GHR: variants seen among roughly 807,000 people sequenced by gnomAD.
GHR encodes the protein growth hormone receptor.
In GHR, 35 loss-of-function variants were observed where a neutral mutation model predicts 67.1. That is an observed-to-expected ratio of 0.52 (90% CI 0.40 to 0.69). The LOEUF (loss-of-function observed/expected upper bound fraction) is 0.69. Ranked by LOEUF, GHR falls within the 30% of genes least tolerant of loss-of-function variation. The pLI is 0.00. For synonymous variants in GHR, 272 were observed against 269.1 expected, an observed-to-expected ratio of 1.01 and a Z score of -0.10; for missense variants, 792 against 764.6, an observed-to-expected ratio of 1.04 and a Z score of -0.42.
At chr5:42,655,548 T>C (rs1179250924) in intron 3 of GHR, among the ~76,000 whole-genome samples, 1 of 152,164 alleles carries the variant, frequency 6.6e-6, no homozygotes, top group Non-Finnish European at 1.5e-5. Context: ...CATAAGTCAC[T>C]AAAATTTGTA....
intron 2 of GHR, among the ~76,000 whole-genome samples, chr5:42,626,110 T>A (rs1753688833): frequency 1.3e-5 from 2 of 152,108 alleles, no homozygotes; most frequent in Admixed American, 1.3e-4. Flanking sequence ...TCGGTGGGAA[T>A]CTCTCCCCAC....
At chr5:42,482,305 C>A (rs2112158000) in intron 1 of GHR, among the ~76,000 whole-genome samples, 2 of 152,326 alleles carry the variant, frequency 1.3e-5, no homozygotes, top group Middle Eastern at 6.8e-3. Flanking sequence ...GGGGGTGCCT[C>A]CCAGTTAGGC....
chr5:42,618,168 A>G (rs1753262244), intron 2 of GHR, among the ~76,000 whole-genome samples: 1 of 152,162 alleles, frequency 6.6e-6, no homozygotes, highest in African/African-American at 2.4e-5. Context: ...AACTGTCACC[A>G]TATCCATCTA....
In GHR at chr5:42,695,025, T is replaced by C. The variant is rs762446451; in HGVS notation, c.375T>C (p.Tyr125=). The C allele has an allele frequency of 4.8e-5, 78 of 1,609,640 alleles. No homozygotes were observed. Among genetic ancestry groups the C allele is most frequent in the Non-Finnish European group, 6.3e-5 (74 of 1,176,042 alleles). ...CGTTTACCTCCATCTGGATACCTTATTGTATCAAGCTAACTAGCAATGGTG... is the reference window on the plus strand; with the variant it reads ...CGTTTACCTCCATCTGGATACCTTACTGTATCAAGCTAACTAGCAATGGTG... ...NSSFTSIWIP[Y]CIKLTSNGGT... is the part of the protein sequence containing the mutation. The change falls in exon 5 of 10, where the codon TAT becomes TAC. Residue 125 remains tyrosine, a synonymous_variant. Coordinates refer to ENST00000230882, the MANE Select transcript of GHR (RefSeq NM_000163.5).
intron 6 of GHR, among the ~76,000 whole-genome samples, chr5:42,701,592 A>G (rs549518226): frequency 6.6e-6 from 1 of 152,324 alleles, no homozygotes; most frequent in Non-Finnish European, 1.5e-5. Flanking sequence ...TCAAAAAAGA[A>G]TGAGGCAAGC....
At chr5:42,450,794 C>T (rs370147926) in intron 1 of GHR, among the ~76,000 whole-genome samples, 3 of 152,174 alleles carry the variant, frequency 2.0e-5, no homozygotes, top group African/African-American at 7.2e-5. Flanking sequence ...CTCTTAGCAT[C>T]ACTTTTGTTG....
intron 1 of GHR, among the ~76,000 whole-genome samples, chr5:42,474,295 G>GAGAAAGAAAGAAAGAAAGAAAGAAAGAA (rs59927289): frequency 0.025 from 2,019 of 80,976 alleles, 79 homozygotes; most frequent in East Asian, 0.043. Context: ...AAAAGAGAAA[G>GAGAAAGAAAGAAAGAAAGAAAGAAAGAA]AGAAAGAAAG....
intron 1 of GHR, among the ~76,000 whole-genome samples, chr5:42,524,090 T>C (rs902320789): frequency 6.6e-6 from 1 of 152,002 alleles, no homozygotes; most frequent in Non-Finnish European, 1.5e-5. Flanking sequence ...ACCAGTAGAG[T>C]GGGGTATTGC....
intron 3 of GHR, among the ~76,000 whole-genome samples, chr5:42,641,863 T>C (rs1399724015): frequency 6.6e-6 from 1 of 152,138 alleles, no homozygotes; most frequent in Non-Finnish European, 1.5e-5. Context: ...CTTCCTGTCC[T>C]GCAAACCTCT....
chr5:42,468,206 A>T, intron 1 of GHR: 1 of 1,430,268 alleles, frequency 7.0e-7, no homozygotes. Context: ...ATGTTCTCAG[A>T]GTGCACTTGT....
chr5:42,696,342 G>A (rs1579629143), intron 5 of GHR, among the ~76,000 whole-genome samples: 1 of 152,366 alleles, frequency 6.6e-6, no homozygotes, highest in East Asian at 1.9e-4. Flanking sequence ...ATGCAGAGCT[G>A]CAAAGGTGGT....
At chr5:42,473,551 A>G (rs1401684403) in intron 1 of GHR, among the ~76,000 whole-genome samples, 1 of 152,226 alleles carries the variant, frequency 6.6e-6, no homozygotes, top group Non-Finnish European at 1.5e-5. Flanking sequence ...CAAAGCTCAG[A>G]AAAGCTGATA....
intron 3 of GHR, among the ~76,000 whole-genome samples, chr5:42,633,736 A>G (rs1754035504): frequency 6.6e-6 from 1 of 152,176 alleles, no homozygotes. Flanking sequence ...ATTCAACAGC[A>G]TTCATCTTAC....
chr5:42,633,520 G>A (rs1335990820), intron 3 of GHR, among the ~76,000 whole-genome samples: 4 of 152,120 alleles, frequency 2.6e-5, no homozygotes, highest in Admixed American at 2.6e-4. Context: ...GTCCAGGTCC[G>A]TATACATTCT....
chr5:42,512,788 C>A (rs905603089), intron 1 of GHR, among the ~76,000 whole-genome samples: 6 of 146,960 alleles, frequency 4.1e-5, no homozygotes, highest in African/African-American at 1.5e-4. Context: ...GCACAAGTAA[C>A]CATTCAGTAA....
chr5:42,711,541 A>C (rs1489716553), intron 7 of GHR, among the ~76,000 whole-genome samples, 169 bp downstream of exon 7: 3 of 152,162 alleles, frequency 2.0e-5, no homozygotes, highest in Non-Finnish European at 4.4e-5. Flanking sequence ...TTCATTGCAA[A>C]AGCAGAAGGA....
At chr5:42,522,835 T>G (rs1747535062) in intron 1 of GHR, among the ~76,000 whole-genome samples, 1 of 152,226 alleles carries the variant, frequency 6.6e-6, no homozygotes, top group Non-Finnish European at 1.5e-5. Flanking sequence ...GAGGTGGTTG[T>G]CTATGCTTCT....
At chr5:42,642,110 T>A (rs78717523) in intron 3 of GHR, among the ~76,000 whole-genome samples, 2,424 of 152,234 alleles carry the variant, frequency 0.016, 104 homozygotes, top group East Asian at 0.14. Context: ...AGGCCGATGA[T>A]GGAAAGATAG....
chr5:42,647,985 C>A (rs552982461), intron 3 of GHR, among the ~76,000 whole-genome samples: 3 of 152,008 alleles, frequency 2.0e-5, no homozygotes, highest in East Asian at 1.9e-4. Context: ...AACTTAAATG[C>A]GAGCTTTTCA....
Sources: gnomAD v4.1 joint callset for allele counts (sites outside exome capture counted in the v4.1 genomes callset) on GRCh38, gnomAD v4.1.1 for gene constraint, MANE v1.5 for transcripts, NCBI Gene and HGNC (gene_info 2026-07-23, HGNC 2026-07-21) for gene names.